TEK: variants seen among roughly 807,000 people sequenced by gnomAD.
TEK encodes the protein angiopoietin-1 receptor.
A neutral mutation model predicts 131.8 loss-of-function variants in TEK; 43 were observed. The ratio of observed to expected loss-of-function variants is 0.33; its 90% CI spans 0.26 to 0.42. The LOEUF is 0.42. Among genes scored for constraint, TEK ranks in the 10% least tolerant of loss-of-function variants. The probability of loss-of-function intolerance (pLI) is 1.00; values close to 1 mark genes in which losing one functional copy is unlikely to be tolerated. For missense variants in TEK, 1,162 were observed against 1,384.4 expected, an observed-to-expected ratio of 0.84 and a Z score of 2.55; for synonymous variants, 580 against 491.6, an observed-to-expected ratio of 1.18 and a Z score of -2.38.
rs765871870 is a variant in TEK at position 27,212,856 on chromosome 9, G to A, written c.2836G>A (p.Ala946Thr). 52 of 1,614,018 alleles carry A rather than the reference G, an allele frequency of 3.2e-5. No homozygotes were observed. In the South Asian group the frequency reaches 5.4e-4, roughly 17 times the overall value. ...CTCCCAGCAGCTCCTTCACTTCGCT[G>A]CCGACGTGGCCCGGGGCATGGACTA... Reference protein sequence around the residue: ...LSSQQLLHFAADVARGMDYLS... With the variant: ...LSSQQLLHFATDVARGMDYLS... The change falls in exon 17 of 23, where the codon GCC becomes ACC. Residue 946 changes from alanine to threonine, a missense_variant. Around this residue, in one of 6 missense-constraint regions of TEK, gnomAD observed 107 missense variants for 173.9 expected, o/e 0.62. Transcript: ENST00000380036.
intron 16 of TEK, among the ~76,000 whole-genome samples, chr9:27,211,691 A>G (rs887039166): frequency 6.6e-6 from 1 of 151,770 alleles, no homozygotes; most frequent in African/African-American, 2.4e-5. Context: ...GCTGGTCTCA[A>G]ACTCCTGGGC....
chr9:27,200,612 G>A (rs1048321688), intron 12 of TEK, among the ~76,000 whole-genome samples: 1 of 152,008 alleles, frequency 6.6e-6, no homozygotes, highest in African/African-American at 2.4e-5. Context: ...TGTTGTCATT[G>A]ATCATGTATG....
intron 21 of TEK, among the ~76,000 whole-genome samples, chr9:27,221,715 T>G (rs1826090634): frequency 1.3e-5 from 2 of 151,966 alleles, no homozygotes; most frequent in Admixed American, 6.6e-5. Context: ...AGGAATAGTA[T>G]CAACATCAAC....
At position 27,226,115 on chromosome 9, in the gene TEK, G is replaced by A. The variant is rs113192303; in HGVS notation, c.3201-2091G>A. Among the ~76,000 whole-genome samples the A allele has an allele frequency of 3.8e-3, 575 of 152,286 alleles. 4 individuals carry two copies. Among genetic ancestry groups the A allele is most frequent in the African/African-American group, 0.012 (517 of 41,568 alleles). On this transcript the variant is annotated intron_variant, in intron 21 of 22. Transcript: ENST00000380036. The stretch of plus-strand genomic sequence containing the variant: ...GGAGAGGATGTGGAGAAATAGGAAT[G>A]CTTTTACACTGTTGGTGGGAGTGTA...
At chr9:27,202,298 T>A (rs1360772) in intron 12 of TEK, among the ~76,000 whole-genome samples, 72,574 of 152,076 alleles carry the variant, frequency 0.48, 17,995 homozygotes, top group Non-Finnish European at 0.52. Context: ...GGGCAAGGAC[T>A]GACCACATGA....
In TEK at chr9:27,213,596, T is replaced by C. The variant is rs778698155; in HGVS notation, c.2990T>C (p.Met997Thr). The C allele has an allele frequency of 1.2e-6, 2 of 1,608,506 alleles. No individual in the cohort carries two copies. Among genetic ancestry groups the C allele is most frequent in the African/African-American group, 1.3e-5 (1 of 74,838 alleles). Reference protein sequence around the residue: ...RGQEVYVKKTMGRLPVRWMAI... With the variant: ...RGQEVYVKKTTGRLPVRWMAI... Reference sequence around the variant, plus strand: ...CAAGAGGTGTATGTGAAAAAGACAATGGTAAGTGCCAGACACAGACACTGA... The same window carrying C: ...CAAGAGGTGTATGTGAAAAAGACAACGGTAAGTGCCAGACACAGACACTGA... The change falls in exon 18 of 23, where the codon ATG becomes ACG. Residue 997 changes from methionine to threonine, a missense_variant and splice_region_variant. Transcript: ENST00000380036.
intron 1 of TEK, among the ~76,000 whole-genome samples, chr9:27,126,658 G>T (rs1345709048): frequency 6.6e-6 from 1 of 152,190 alleles, no homozygotes; most frequent in African/African-American, 2.4e-5. Flanking sequence ...GAGAGAAACT[G>T]CTCCAGTCTA....
chr9:27,169,144 G>T (rs939559726), intron 3 of TEK, among the ~76,000 whole-genome samples: 4 of 152,150 alleles, frequency 2.6e-5, no homozygotes, highest in African/African-American at 9.7e-5. Flanking sequence ...TGGTTAATTG[G>T]TTAGTTGACA....
chr9:27,200,439 G>C (rs1825175020), intron 12 of TEK, among the ~76,000 whole-genome samples: 3 of 152,146 alleles, frequency 2.0e-5, no homozygotes, highest in Non-Finnish European at 4.4e-5. Flanking sequence ...GACTTGCCTT[G>C]GATGATTGTA....
intron 9 of TEK, among the ~76,000 whole-genome samples, chr9:27,188,491 G>T (rs1039135564): frequency 6.6e-6 from 1 of 152,148 alleles, no homozygotes; most frequent in Non-Finnish European, 1.5e-5. Flanking sequence ...GCATCTGCTG[G>T]TTTAAAGAAA....
At chr9:27,114,901 A>G (rs1158779950) in intron 1 of TEK, among the ~76,000 whole-genome samples, 2 of 152,184 alleles carry the variant, frequency 1.3e-5, no homozygotes, top group African/African-American at 2.4e-5. Context: ...CTGTGTGCCA[A>G]TCATTCATTC....
chr9:27,167,963 G>A (rs1385057433), intron 2 of TEK, among the ~76,000 whole-genome samples: 1 of 151,974 alleles, frequency 6.6e-6, no homozygotes, highest in Non-Finnish European at 1.5e-5. Context: ...TTGATAATAG[G>A]TACAGTTTGA....
At chr9:27,187,267 T>C (rs1564084728) in intron 9 of TEK, among the ~76,000 whole-genome samples, 1 of 152,202 alleles carries the variant, frequency 6.6e-6, no homozygotes, top group Non-Finnish European at 1.5e-5. Flanking sequence ...AGCCATAAAA[T>C]GTAAATAGCC....
chr9:27,212,771 C>T lies in TEK; in HGVS notation c.2751C>T (p.Ser917=), dbSNP rs767204791. 1 of 1,614,152 alleles carries T rather than the reference C, an allele frequency of 6.2e-7. No homozygotes were observed. Among genetic ancestry groups the T allele is most frequent in the South Asian group, 1.1e-5 (1 of 91,082 alleles). The change falls in exon 17 of 23, where the codon AGC becomes AGT. Residue 917 remains serine, a synonymous_variant. Coordinates refer to ENST00000380036, the MANE Select transcript of TEK (RefSeq NM_000459.5). ...HGNLLDFLRK[S]RVLETDPAFA... ...ACCTTCTGGACTTCCTTCGCAAGAG[C>T]CGTGTGCTGGAGACGGACCCAGCAT...
At chr9:27,126,908 C>A (rs987770226) in intron 1 of TEK, among the ~76,000 whole-genome samples, 1 of 152,108 alleles carries the variant, frequency 6.6e-6, no homozygotes. Flanking sequence ...CAAGCAAGAG[C>A]CAACACTTAG....
chr9:27,145,097 G>C (rs1460423498), intron 1 of TEK, among the ~76,000 whole-genome samples: 1 of 152,120 alleles, frequency 6.6e-6, no homozygotes, highest in Non-Finnish European at 1.5e-5. Flanking sequence ...CTGAGGTTCA[G>C]CTGGCAAAGA....
At chr9:27,164,480 C>A (rs953958028) in intron 2 of TEK, among the ~76,000 whole-genome samples, 1 of 151,906 alleles carries the variant, frequency 6.6e-6, no homozygotes, top group Admixed American at 6.6e-5. Flanking sequence ...CTACCACGCC[C>A]GGCTAATTTT....
chr9:27,155,301 C>A (rs943354371), intron 1 of TEK, among the ~76,000 whole-genome samples: 1 of 152,164 alleles, frequency 6.6e-6, no homozygotes, highest in Non-Finnish European at 1.5e-5. Context: ...TTTTTACTAT[C>A]CTAACTTGTA....
intron 1 of TEK, among the ~76,000 whole-genome samples, chr9:27,136,296 G>T (rs1034505353): frequency 2.0e-5 from 3 of 152,032 alleles, no homozygotes; most frequent in African/African-American, 7.2e-5. Flanking sequence ...TGCCCAGGCT[G>T]GTCTCAAACA....
Sources: gnomAD v4.1 joint callset for allele counts (sites outside exome capture counted in the v4.1 genomes callset) on GRCh38, gnomAD v4.1.1 for gene constraint, gnomAD v4.1.1 regional missense constraint, MANE v1.5 for transcripts, NCBI Gene and HGNC (gene_info 2026-07-23, HGNC 2026-07-21) for gene names.